Variants in WDR72 observed in about 807,000 individuals in gnomAD.
WDR72 encodes WD repeat domain 72.
Under a neutral mutation model 124.2 loss-of-function variants are expected in WDR72, and 120 were observed. The ratio of observed to expected loss-of-function variants is 0.97; its 90% CI spans 0.83 to 1.12. The LOEUF is 1.12. Among genes scored for constraint, WDR72 ranks in the 50% most tolerant of loss-of-function variants. The probability of loss-of-function intolerance (pLI) is 0.00; values close to 1 mark genes in which losing one functional copy is unlikely to be tolerated. For missense variants in WDR72, 1,387 were observed against 1,278.8 expected, an observed-to-expected ratio of 1.08 and a Z score of -1.29; for synonymous variants, 452 against 441.7, an observed-to-expected ratio of 1.02 and a Z score of -0.29.
intron 2 of WDR72, among the ~76,000 whole-genome samples, chr15:53,724,450 C>A (rs761192058): frequency 4.6e-5 from 7 of 152,176 alleles, no homozygotes; most frequent in Non-Finnish European, 8.8e-5. Context: ...GTTCCACAGG[C>A]TTAACAGGAA....
chr15:53,623,846 C>G (rs942674432), intron 14 of WDR72, among the ~76,000 whole-genome samples: 37 of 152,234 alleles, frequency 2.4e-4, no homozygotes, highest in African/African-American at 8.4e-4. Flanking sequence ...TCACCAGCAT[C>G]CATTGTTTTT....
At chr15:53,617,858 T>C (rs1595797240) in intron 14 of WDR72, among the ~76,000 whole-genome samples, 1 of 151,910 alleles carries the variant, frequency 6.6e-6, no homozygotes, top group South Asian at 2.1e-4. Context: ...CAATAGGGTT[T>C]AAGGATACCT....
chr15:53,613,014 G>C (rs550064190), intron 16 of WDR72, among the ~76,000 whole-genome samples: 100 of 152,148 alleles, frequency 6.6e-4, no homozygotes, highest in African/African-American at 2.2e-3. Flanking sequence ...TGACAGATTG[G>C]ATGTGGGGTA....
At chr15:53,546,702 A>G (rs1401048239) in intron 18 of WDR72, among the ~76,000 whole-genome samples, 3 of 151,492 alleles carry the variant, frequency 2.0e-5, no homozygotes, top group African/African-American at 4.8e-5. Flanking sequence ...AATGCAAAAG[A>G]TACTTTTAAC....
intron 17 of WDR72, among the ~76,000 whole-genome samples, chr15:53,597,671 C>T (rs1028463241): frequency 6.6e-6 from 1 of 152,130 alleles, no homozygotes; most frequent in African/African-American, 2.4e-5. Context: ...TGTCTAGCTC[C>T]AAAGCATTAT....
chr15:53,572,991 C>T (rs1277972864), intron 18 of WDR72, among the ~76,000 whole-genome samples: 2 of 152,124 alleles, frequency 1.3e-5, no homozygotes, highest in African/African-American at 2.4e-5. Context: ...TGAATACCAG[C>T]GTCCTTATAG....
chr15:53,632,716 G>A (rs951939893), intron 14 of WDR72, among the ~76,000 whole-genome samples: 3 of 152,192 alleles, frequency 2.0e-5, no homozygotes, highest in South Asian at 2.1e-4. Context: ...CCCTTGCACC[G>A]GTGTGCCCTG....
intron 12 of WDR72, among the ~76,000 whole-genome samples, chr15:53,701,473 T>A (rs918756740): frequency 2.7e-5 from 4 of 150,856 alleles, no homozygotes; most frequent in Non-Finnish European, 4.4e-5. Context: ...CCCAGGAGGT[T>A]GAGGCTGCAG....
intron 1 of WDR72, among the ~76,000 whole-genome samples, chr15:53,745,211 T>G (rs1301467631): frequency 6.6e-6 from 1 of 152,170 alleles, no homozygotes; most frequent in Non-Finnish European, 1.5e-5. Context: ...TCTGCATAGA[T>G]AACTTTTATC....
chr15:53,544,080 G>T (rs1052302090), intron 18 of WDR72, among the ~76,000 whole-genome samples: 6 of 142,364 alleles, frequency 4.2e-5, no homozygotes, highest in Admixed American at 1.4e-4. Context: ...TCTACCAGAG[G>T]TACAAGGAGG....
chr15:53,591,492 G>A (rs2012491044), intron 18 of WDR72, among the ~76,000 whole-genome samples: 1 of 152,098 alleles, frequency 6.6e-6, no homozygotes, highest in South Asian at 2.1e-4. Flanking sequence ...AGTTTTAAGT[G>A]AGACATTTTC....
chr15:53,515,215 A>G lies in WDR72; in HGVS notation c.*2484T>C. 1 of 151,866 alleles carries G rather than the reference A, an allele frequency of 6.6e-6. No individual in the cohort carries two copies. The highest frequency in any genetic ancestry group is 1.5e-5 in the Non-Finnish European group (1 of 67,960). The allele number at this position is 151,866 out of a possible 1,614,324, so 9.4% of individuals were successfully genotyped here. A position where few individuals can be genotyped will look rare whatever the true frequency, so the allele number is the denominator to read the frequency against. On this transcript the variant is annotated 3_prime_UTR_variant, in exon 20 of 20. Transcript: ENST00000360509. ...ACAGGAAGACTCCGGATACAAACAC[A>G]TTTGCTAATATAATCACTCCACTGG...
intron 18 of WDR72, among the ~76,000 whole-genome samples, chr15:53,545,035 A>C (rs1455120522): frequency 6.9e-6 from 1 of 145,790 alleles, no homozygotes; most frequent in East Asian, 2.0e-4. Context: ...ATGGAAGAAC[A>C]TTCCATGCTC....
intron 18 of WDR72, among the ~76,000 whole-genome samples, chr15:53,583,532 C>T (rs1205982174): frequency 1.3e-5 from 2 of 152,014 alleles, no homozygotes; most frequent in East Asian, 3.9e-4. Context: ...ATGTTACCAC[C>T]TGGAGACCTC....
chr15:53,575,541 T>C (rs989129917), intron 18 of WDR72, among the ~76,000 whole-genome samples: 2 of 152,168 alleles, frequency 1.3e-5, no homozygotes, highest in African/African-American at 2.4e-5. Context: ...AAAACATTGA[T>C]ATCTCAATGG....
intron 14 of WDR72, among the ~76,000 whole-genome samples, chr15:53,625,405 C>T (rs1238215620): frequency 6.6e-6 from 1 of 152,124 alleles, no homozygotes; most frequent in Non-Finnish European, 1.5e-5. Flanking sequence ...TCTCTGAAAT[C>T]CCAGGTTGAG....
chr15:53,573,978 A>G (rs1299777959), intron 18 of WDR72, among the ~76,000 whole-genome samples: 1 of 152,220 alleles, frequency 6.6e-6, no homozygotes, highest in East Asian at 1.9e-4. Context: ...GAAACTTCTT[A>G]GTACTTTCTA....
At chr15:53,670,314 C>A (rs765410827) in intron 13 of WDR72, among the ~76,000 whole-genome samples, 1 of 152,156 alleles carries the variant, frequency 6.6e-6, no homozygotes, top group East Asian at 1.9e-4. Flanking sequence ...TCCAAAGTTG[C>A]GTAGTTTCCA....
At chr15:53,688,974 C>G (rs1319579088) in intron 13 of WDR72, among the ~76,000 whole-genome samples, 1 of 152,176 alleles carries the variant, frequency 6.6e-6, no homozygotes, top group African/African-American at 2.4e-5. Context: ...AAAGGATTCC[C>G]TATTTAATAA....
Sources: allele counts gnomAD v4.1 joint callset (sites outside exome capture counted in the v4.1 genomes callset), GRCh38; gene constraint gnomAD v4.1.1; transcripts MANE v1.5; gene names NCBI Gene and HGNC (gene_info 2026-07-23, HGNC 2026-07-21).